Variants in DGKB observed in about 807,000 individuals in gnomAD.
The protein encoded by DGKB is diacylglycerol kinase beta.
In DGKB, 67 loss-of-function variants were observed where a neutral mutation model predicts 114.3. That is an observed-to-expected ratio of 0.59 (90% CI 0.48 to 0.72). The LOEUF (loss-of-function observed/expected upper bound fraction) is 0.72, where lower values mean the gene tolerates loss of function less well. DGKB is among the 30% of genes least tolerant of loss of function. The pLI, the probability that DGKB is intolerant of heterozygous loss-of-function variation, is 0.00. For synonymous variants in DGKB, 398 were observed against 323.1 expected (o/e 1.23, Z -2.49); for missense variants, 907 against 975.2 (o/e 0.93, Z 0.93).
At chr7:14,392,995 G>GTTTTTGTTTTTTTTTTGTTTT in intron 21 of DGKB, among the ~76,000 whole-genome samples, 1 of 60,548 alleles carries the variant, frequency 1.7e-5, no homozygotes, top group African/African-American at 4.8e-5. Flanking sequence ...TTTTGTTTTT[G>GTTTTTGTTTTTTTTTTGTTTT]TTTTTTTTTT....
intron 20 of DGKB, among the ~76,000 whole-genome samples, chr7:14,492,002 A>G (rs1386501677): frequency 1.3e-5 from 2 of 152,096 alleles, no homozygotes; most frequent in African/African-American, 4.8e-5. Flanking sequence ...ACACTAAACT[A>G]GTATTTGAAA....
chr7:14,571,420 G>C (rs1033785305), intron 20 of DGKB, among the ~76,000 whole-genome samples: 1 of 152,220 alleles, frequency 6.6e-6, no homozygotes, highest in Non-Finnish European at 1.5e-5. Context: ...AATGAACAGG[G>C]AGAGCCAGTG....
intron 21 of DGKB, among the ~76,000 whole-genome samples, chr7:14,424,950 T>C (rs1246325168): frequency 1.3e-5 from 2 of 152,150 alleles, no homozygotes; most frequent in African/African-American, 2.4e-5. Context: ...TCCATTCTTC[T>C]GGGCTTTATT....
At chr7:14,282,323 A>C in intron 23 of DGKB, among the ~76,000 whole-genome samples, 1 of 130,084 alleles carries the variant, frequency 7.7e-6, no homozygotes, top group African/African-American at 2.9e-5. Flanking sequence ...AAGAAGTTGA[A>C]TCTCTGAATA....
intron 13 of DGKB, among the ~76,000 whole-genome samples, chr7:14,659,170 T>C (rs1249832649): frequency 6.6e-6 from 1 of 151,930 alleles, no homozygotes; most frequent in Non-Finnish European, 1.5e-5. Context: ...CATCAGATAT[T>C]ATAACAAGAG....
In DGKB at chr7:14,537,341, A is replaced by T. The variant is rs546771091; in HGVS notation, c.1770+36871T>A. The stretch of plus-strand genomic sequence containing the variant: ...AATTCTAAAATTCATACAGAACCAC[A>T]AAAGACCACAAATAGCCAGAGCAAT... On this transcript the variant is annotated intron_variant, in intron 20 of 25. Coordinates refer to ENST00000402815, the MANE Select transcript of DGKB (RefSeq NM_001350709.2). Among the ~76,000 whole-genome samples, 10 of 152,290 alleles carry T rather than the reference A, an allele frequency of 6.6e-5. No homozygotes were observed. In the South Asian group the frequency reaches 2.1e-3, roughly 32 times the overall value.
chr7:14,659,790 A>G (rs1486780108), intron 13 of DGKB, among the ~76,000 whole-genome samples: 1 of 150,774 alleles, frequency 6.6e-6, no homozygotes, highest in Non-Finnish European at 1.5e-5. Context: ...GTGGTGAGAG[A>G]GGGCATCCCT....
intron 2 of DGKB, among the ~76,000 whole-genome samples, chr7:14,804,121 G>C (rs1481570950): frequency 6.6e-6 from 1 of 150,940 alleles, no homozygotes; most frequent in African/African-American, 2.4e-5. Context: ...TTCATTGAGA[G>C]CCTATTTGTA....
intron 21 of DGKB, 137 bp from the exon 22 acceptor site, chr7:14,345,528 A>G (rs1040288867): frequency 1.8e-6 from 1 of 542,982 alleles, no homozygotes; most frequent in African/African-American, 1.9e-5. Context: ...ATAGATGGTC[A>G]TATAATTTTC....
intron 1 of DGKB, among the ~76,000 whole-genome samples, chr7:14,912,149 G>A (rs564534252): frequency 1.5e-4 from 23 of 152,140 alleles, no homozygotes; most frequent in Admixed American, 2.0e-4. Flanking sequence ...TAGATGAACC[G>A]GAATCTCTCT....
chr7:14,767,308 G>T (rs1015340869), intron 2 of DGKB, among the ~76,000 whole-genome samples: 3 of 151,816 alleles, frequency 2.0e-5, no homozygotes, highest in Non-Finnish European at 4.4e-5. Flanking sequence ...TAGAGTGGAG[G>T]CATGGACAGT....
chr7:14,895,944 C>A lies in DGKB; in HGVS notation c.-188+6648G>T, dbSNP rs76052112. 7.2e-5 allele frequency among the ~76,000 whole-genome samples: 11 copies of A among 151,824 alleles called. No individual in the cohort carries two copies. The East Asian group carries it at 2.1e-3, about 29-fold the overall frequency. On this transcript the variant is annotated intron_variant, in intron 1 of 25. Transcript: ENST00000402815. ...CACTTCCTTATATTTTCTGTCTCAG[C>A]AAAACAAGTTACTGAATAAACTACA... is the stretch of plus-strand genomic sequence containing the variant.
chr7:14,755,303 C>T (rs1204006232), intron 3 of DGKB, among the ~76,000 whole-genome samples: 2 of 151,866 alleles, frequency 1.3e-5, no homozygotes, highest in Non-Finnish European at 2.9e-5. Context: ...ATTTTTATCC[C>T]CAGCACTTTA....
At chr7:14,351,162 G>A (rs1813360592) in intron 21 of DGKB, among the ~76,000 whole-genome samples, 1 of 152,300 alleles carries the variant, frequency 6.6e-6, no homozygotes, top group Middle Eastern at 3.4e-3. Flanking sequence ...GTACATTTAT[G>A]TCATAGAATC....
chr7:14,298,038 G>A lies in DGKB; in HGVS notation c.2122+40477C>T, dbSNP rs1219662550. On this transcript the variant is annotated intron_variant, in intron 23 of 25. Transcript: ENST00000402815. Reference sequence around the variant, plus strand: ...TCTTCAAGGAGAACTGCAAACAACTGCTCAAGGAAAGAAGAAAGAATACAA... The same window carrying A: ...TCTTCAAGGAGAACTGCAAACAACTACTCAAGGAAAGAAGAAAGAATACAA... Among the ~76,000 whole-genome samples, 6 of 152,102 alleles carry A rather than the reference G, an allele frequency of 3.9e-5. No homozygotes were observed. The East Asian group carries it at 9.6e-4, about 24-fold the overall frequency.
At chr7:14,313,921 G>C (rs148495325) in intron 23 of DGKB, among the ~76,000 whole-genome samples, 3 of 152,200 alleles carry the variant, frequency 2.0e-5, no homozygotes, top group African/African-American at 7.2e-5. Context: ...CTCCCAGTGC[G>C]CAGCCAGAGA....
intron 23 of DGKB, chr7:14,209,241 T>TAAAC (rs1787346517): frequency 3.5e-6 from 1 of 287,572 alleles, no homozygotes; most frequent in African/African-American, 2.3e-5. Flanking sequence ...ATCTCATGTT[T>TAAAC]AAACATTTAT....
At chr7:14,834,814 A>G (rs13228522) in intron 2 of DGKB, among the ~76,000 whole-genome samples, 49,615 of 152,036 alleles carry the variant, frequency 0.33, 10,382 homozygotes, top group Non-Finnish European at 0.46. Context: ...ATTGGACTCA[A>G]ATGGATTTTT....
At chr7:14,345,224 G>A in intron 22 of DGKB, 77 bp downstream of exon 22, 1 of 757,042 alleles carries the variant, frequency 1.3e-6, no homozygotes, top group Non-Finnish European at 2.1e-6. Context: ...CATTCCATGG[G>A]CTCCAATGCA....
Sources: gnomAD v4.1 joint callset for allele counts (sites outside exome capture counted in the v4.1 genomes callset) on GRCh38, gnomAD v4.1.1 for gene constraint, MANE v1.5 for transcripts, NCBI Gene and HGNC (gene_info 2026-07-23, HGNC 2026-07-21) for gene names.